The following RNF135 variants were observed in gnomAD, a reference collection of about 807,000 sequenced individuals.
RNF135 encodes the protein ring finger protein 135, also known as E3 ubiquitin-protein ligase RNF135.
Under a neutral mutation model 41.9 loss-of-function variants are expected in RNF135, and 46 were observed. The observed-to-expected ratio is 1.10, with a 90% CI of 0.87 to 1.40. The LOEUF is 1.40. Among genes scored for constraint, RNF135 ranks in the 40% most tolerant of loss-of-function variants. The pLI is 0.00. For missense variants in RNF135, 539 were observed against 549.8 expected (o/e 0.98, Z 0.20); for synonymous variants, 238 against 223.8 (o/e 1.06, Z -0.57).
intron 3 of RNF135, among the ~76,000 whole-genome samples, chr17:30,988,633 A>G (rs1231662262): frequency 6.6e-6 from 1 of 151,550 alleles, no homozygotes; most frequent in Non-Finnish European, 1.5e-5. Context: ...TCACCATGTT[A>G]ACGAGGATGG....
At chr17:30,983,526 G>C (rs1907371280) in intron 1 of RNF135, among the ~76,000 whole-genome samples, 2 of 150,332 alleles carry the variant, frequency 1.3e-5, no homozygotes, top group Admixed American at 1.3e-4. Context: ...GTGAATTTTT[G>C]TATTTTTAGT....
Position 30,971,316 on chromosome 17 carries a change from G to A in RNF135, c.243G>A (p.Leu81=). The A allele has an allele frequency of 6.5e-7, 1 of 1,534,016 alleles. No homozygotes were observed. The highest frequency in any genetic ancestry group is 1.2e-5 in the South Asian group (1 of 83,234). The change falls in exon 1 of 5, where the codon CTG becomes CTA. Residue 81 remains leucine, a synonymous_variant. Transcript: ENST00000328381. ...GGAAGAACACGCTACTGCAGGACCT[G>A]GCCGACAAGTACCGCCGCGCCGCAC... ...HLRKNTLLQD[L]ADKYRRAARE...
the RNF135 span, chr17:30,959,183 C>T: frequency 6.6e-6 from 1 of 152,174 alleles, no homozygotes; most frequent in Non-Finnish European, 1.5e-5. Flanking sequence ...AAGGTACAGT[C>T]TTGCCTTCAA....
At chr17:30,971,784 C>T (rs946787008) in intron 1 of RNF135, 2 of 1,033,014 alleles carry the variant, frequency 1.9e-6, no homozygotes, top group African/African-American at 3.4e-5. Flanking sequence ...CCATTTTAAC[C>T]TTTTTCTTTA....
intron 3 of RNF135, 48 bp from the exon 4 acceptor site, chr17:30,997,194 T>C: frequency 6.9e-7 from 1 of 1,443,058 alleles, no homozygotes; most frequent in African/African-American, 1.4e-5. Flanking sequence ...ACCTTCAGTT[T>C]GCCTTTTTCT....
In RNF135 at chr17:30,994,205, T is replaced by C. The variant is rs28694255; in HGVS notation, c.680-3037T>C. ...AATTTTGTGTTTTTCTAAATTGTAG[T>C]GAAAATACATACAACATAAAATTTA... On this transcript the variant is annotated intron_variant, in intron 3 of 4. Transcript: ENST00000328381. Among the ~76,000 whole-genome samples the C allele has an allele frequency of 6.3e-3, 958 of 152,332 alleles. 9 individuals carry two copies. The highest frequency in any genetic ancestry group is 0.022 in the African/African-American group (914 of 41,574).
At chr17:30,992,083 C>G (rs746760071) in intron 3 of RNF135, among the ~76,000 whole-genome samples, 3 of 151,818 alleles carry the variant, frequency 2.0e-5, no homozygotes, top group Non-Finnish European at 4.4e-5. Context: ...AAGCCTGTGC[C>G]ACCACACCTG....
At chr17:30,996,847 C>G (rs1298297826) in intron 3 of RNF135, among the ~76,000 whole-genome samples, 2 of 152,194 alleles carry the variant, frequency 1.3e-5, no homozygotes, top group African/African-American at 4.8e-5. Context: ...CAGTTTAAAA[C>G]ATTGACTTGG....
At chr17:30,964,775 C>G in the RNF135 span, among the ~76,000 whole-genome samples, 1 of 151,632 alleles carries the variant, frequency 6.6e-6, no homozygotes, top group African/African-American at 2.4e-5. Context: ...ACCTCCACCT[C>G]CTAGGTTCAA....
At position 30,980,810 on chromosome 17, in the gene RNF135, C is replaced by T. The variant is rs1009895871; in HGVS notation, c.373-3807C>T. 6.0e-5 allele frequency among the ~76,000 whole-genome samples: 9 copies of T among 149,986 alleles called. 1 individual carries two copies. Among genetic ancestry groups the T allele is most frequent in the South Asian group, 2.1e-4 (1 of 4,732 alleles). On this transcript the variant is annotated intron_variant, in intron 1 of 4. Transcript: ENST00000328381. ...CCTCACTTCCTAGATGGGATGGTGG[C>T]GGGGAAGAGGCGCTCCTCGCTTCCT... is the stretch of plus-strand genomic sequence containing the variant.
chr17:30,984,868 A>C, intron 2 of RNF135, 108 bp downstream of exon 2: 9 of 1,225,344 alleles, frequency 7.3e-6, no homozygotes, highest in Non-Finnish European at 1.1e-5. Context: ...AATAAGTCTC[A>C]ATCTTTTATT....
At chr17:30,998,544 G>C in intron 4 of RNF135, 118 bp from the exon 5 acceptor site, 1 of 961,166 alleles carries the variant, frequency 1.0e-6, no homozygotes, top group Non-Finnish European at 1.6e-6. Flanking sequence ...CAATTTTAAT[G>C]CTAGTGTGAG....
At chr17:30,993,820 AT>A in intron 3 of RNF135, 8 of 901,734 alleles carry the variant, frequency 8.9e-6, no homozygotes, top group South Asian at 3.1e-5. Flanking sequence ...TAATTAATTA[AT>A]TTTTTTATTT....
At chr17:30,962,454 G>A in the RNF135 span, among the ~76,000 whole-genome samples, 1 of 145,572 alleles carries the variant, frequency 6.9e-6, no homozygotes, top group African/African-American at 2.6e-5. Flanking sequence ...CTTTTGCTGT[G>A]TGTCTCTTGT....
At chr17:30,974,050 A>G (rs1449167310) in intron 1 of RNF135, among the ~76,000 whole-genome samples, 1 of 152,082 alleles carries the variant, frequency 6.6e-6, no homozygotes, top group Non-Finnish European at 1.5e-5. Flanking sequence ...GAAAAATACA[A>G]AAAATTAGCT....
intron 1 of RNF135, chr17:30,973,077 C>T (rs553057114): frequency 6.6e-6 from 1 of 152,316 alleles, no homozygotes; most frequent in African/African-American, 2.4e-5. Context: ...CCCAGCCTCA[C>T]TGTGATTTTG....
chr17:30,989,430 G>A (rs1907835134), intron 3 of RNF135, among the ~76,000 whole-genome samples: 1 of 152,096 alleles, frequency 6.6e-6, no homozygotes, highest in Non-Finnish European at 1.5e-5. Flanking sequence ...TCTGGGGAGT[G>A]TGTTAATGTT....
upstream of RNF135, chr17:30,970,390 A>C (rs1359634210): frequency 2.0e-5 from 3 of 152,342 alleles, no homozygotes; most frequent in Middle Eastern, 6.8e-3. Context: ...GGCGGTAAGG[A>C]CACAGCGCAC....
chr17:30,994,724 C>T (rs1352287602), intron 3 of RNF135, among the ~76,000 whole-genome samples: 1 of 149,696 alleles, frequency 6.7e-6, no homozygotes, highest in East Asian at 2.1e-4. Context: ...ACCTCTGGCT[C>T]CTGGGTTCAA....
Sources: allele counts gnomAD v4.1 joint callset (sites outside exome capture counted in the v4.1 genomes callset), GRCh38; gene constraint gnomAD v4.1.1; transcripts MANE v1.5; gene names NCBI Gene and HGNC (gene_info 2026-07-23, HGNC 2026-07-21).